ILDR1: variants seen among roughly 807,000 people sequenced by gnomAD.
The protein encoded by ILDR1 is immunoglobulin like domain containing receptor 1, also known as immunoglobulin-like domain-containing receptor 1.
In ILDR1, 56 loss-of-function variants were observed where a neutral mutation model predicts 62.4. The observed-to-expected ratio is 0.90, with a 90% CI of 0.72 to 1.12. The LOEUF is 1.12. Ranked by LOEUF, ILDR1 falls within the 50% of genes most tolerant of loss-of-function variation. ILDR1 has a pLI of 0.00. For missense variants in ILDR1, 736 were observed against 710.6 expected, an observed-to-expected ratio of 1.04 and a Z score of -0.41; for synonymous variants, 284 against 277.8, an observed-to-expected ratio of 1.02 and a Z score of -0.22.
intron 5 of ILDR1, among the ~76,000 whole-genome samples, chr3:121,998,103 T>G (rs1286305495): frequency 6.6e-6 from 1 of 152,182 alleles, no homozygotes; most frequent in Non-Finnish European, 1.5e-5. Context: ...CCTTACATCT[T>G]AATCATCCTC....
rs553059702 is a variant in ILDR1 at position 122,015,459 on chromosome 3, A to G, written c.58+6561T>C. Among the ~76,000 whole-genome samples, 3 of 152,208 alleles carry G rather than the reference A, an allele frequency of 2.0e-5. No individual in the cohort carries two copies. The East Asian group carries it at 5.8e-4, about 29-fold the overall frequency. ...TCTTGAATTGTAGTTCCCATAATCCATATGTGTTGTTGGAGGGACCAGGTG... is the reference window on the plus strand; with the variant it reads ...TCTTGAATTGTAGTTCCCATAATCCGTATGTGTTGTTGGAGGGACCAGGTG... On this transcript the variant is annotated intron_variant, in intron 1 of 7. Transcript: ENST00000344209.
intron 5 of ILDR1, among the ~76,000 whole-genome samples, chr3:121,995,291 G>A (rs1236332123): frequency 6.6e-6 from 1 of 152,198 alleles, no homozygotes; most frequent in Non-Finnish European, 1.5e-5. Context: ...CAGCCTCAGT[G>A]TGAACGAGGT....
the ILDR1 span, among the ~76,000 whole-genome samples, chr3:122,035,644 C>T: frequency 7.9e-5 from 12 of 152,238 alleles, no homozygotes; most frequent in Admixed American, 2.0e-4. Context: ...CTTTCCTGCT[C>T]CACTATGGTA....
the ILDR1 span, among the ~76,000 whole-genome samples, chr3:122,046,218 C>A: frequency 1.3e-5 from 2 of 149,614 alleles, no homozygotes; most frequent in Admixed American, 6.6e-5. Flanking sequence ...GTTGAAAATT[C>A]TTTTCTTTAA....
chr3:121,993,682 G>A lies in ILDR1; in HGVS notation c.1067C>T (p.Pro356Leu). ...SDSLHQQWLT[P>L]IPSRPWDLRE... ...CAGATCCCAGGGCCTGGAGGGAATT[G>A]GGGTGAGCCACTGCTGGTGCAGGGA... The change falls in exon 7 of 8, where the codon CCA (proline) becomes CTA (leucine). Residue 356 changes from proline (P) to leucine (L), a missense_variant. By Grantham distance (98) the Pro-to-Leu change is moderately conservative. Coordinates refer to ENST00000344209, the MANE Select transcript of ILDR1 (RefSeq NM_001199799.2). 1 of 1,614,148 alleles carries A rather than the reference G, an allele frequency of 6.2e-7. No individual in the cohort carries two copies. The highest frequency in any genetic ancestry group is 8.5e-7 in the Non-Finnish European group (1 of 1,179,998).
the ILDR1 span, among the ~76,000 whole-genome samples, chr3:122,041,524 A>T: frequency 6.6e-6 from 1 of 152,210 alleles, no homozygotes; most frequent in African/African-American, 2.4e-5. Context: ...CTGTTATAGC[A>T]GCACAAAACA....
At chr3:122,057,180 A>G in the ILDR1 span, among the ~76,000 whole-genome samples, 3 of 152,338 alleles carry the variant, frequency 2.0e-5, no homozygotes, top group East Asian at 5.8e-4. Context: ...TTTCTGGACA[A>G]TAATCTAGTG....
chr3:122,001,897 C>A, intron 3 of ILDR1, 33 bp from the exon 4 acceptor site: 1 of 1,611,606 alleles, frequency 6.2e-7, no homozygotes, highest in South Asian at 1.1e-5. Flanking sequence ...GTGCCAGTGT[C>A]AGAGGAGAGA....
chr3:122,050,150 G>C, the ILDR1 span, among the ~76,000 whole-genome samples: 1 of 152,158 alleles, frequency 6.6e-6, no homozygotes, highest in Non-Finnish European at 1.5e-5. Context: ...GCCTATGTGT[G>C]TTCTTAAATC....
At chr3:122,048,838 G>C in the ILDR1 span, among the ~76,000 whole-genome samples, 2 of 151,574 alleles carry the variant, frequency 1.3e-5, no homozygotes, top group Non-Finnish European at 2.9e-5. Context: ...GTCTTGCTAC[G>C]TTGCCCAGGC....
rs572466985 is a variant in ILDR1 at position 122,014,934 on chromosome 3, T to C, written c.58+7086A>G. On this transcript the variant is annotated intron_variant, in intron 1 of 7. Transcript: ENST00000344209. The stretch of plus-strand genomic sequence containing the variant: ...AGTGACTCATGTCTCCACACACTAA[T>C]CTCAGAGCACATGCAAATTTAGGCA... 2.4e-4 allele frequency among the ~76,000 whole-genome samples: 37 copies of C among 152,306 alleles called. No homozygotes were observed. In the South Asian group the frequency reaches 7.3e-3, roughly 30 times the overall value.
At chr3:122,012,492 G>A (rs979384138) in intron 1 of ILDR1, among the ~76,000 whole-genome samples, 26 of 152,138 alleles carry the variant, frequency 1.7e-4, no homozygotes, top group Admixed American at 1.7e-3. Context: ...GAATGGTAAT[G>A]TAATATAAAC....
the ILDR1 span, among the ~76,000 whole-genome samples, chr3:122,034,974 G>A: frequency 7.2e-5 from 11 of 152,254 alleles, no homozygotes; most frequent in Admixed American, 7.2e-4. Flanking sequence ...CTCCCACAAC[G>A]TGTGGGAATT....
intron 5 of ILDR1, among the ~76,000 whole-genome samples, chr3:122,000,404 A>G (rs2071503540): frequency 6.6e-6 from 1 of 152,224 alleles, no homozygotes; most frequent in Non-Finnish European, 1.5e-5. Flanking sequence ...CAAAAGGACT[A>G]GGTTCAAGGA....
At chr3:122,045,311 A>G in the ILDR1 span, among the ~76,000 whole-genome samples, 3 of 149,020 alleles carry the variant, frequency 2.0e-5, no homozygotes, top group African/African-American at 7.4e-5. Context: ...GTTCTTTTAC[A>G]TTTGCTGAGG....
rs763615019 is a variant in ILDR1 at position 121,993,918 on chromosome 3, A to AT, written c.830dup (p.Asn277LysfsTer29). On this transcript the variant is annotated frameshift_variant, in exon 7 of 8. Transcript: ENST00000344209. LOFTEE classifies it high-confidence loss of function. ...GGACACCATTGGCGATGGGAGGCTG[A>AT]TTGGTGGTCTGGGTCATTGGCATCT... 1 of 1,613,602 alleles carries AT rather than the reference A, an allele frequency of 6.2e-7. No individual in the cohort carries two copies. The highest frequency in any genetic ancestry group is 8.5e-7 in the Non-Finnish European group (1 of 1,180,022).
chr3:122,030,532 C>T, the ILDR1 span, among the ~76,000 whole-genome samples: 2 of 151,872 alleles, frequency 1.3e-5, no homozygotes, highest in East Asian at 1.9e-4. Context: ...CTGAATCATG[C>T]CACCACTCTG....
chr3:122,009,697 C>A (rs1234736837), intron 1 of ILDR1, among the ~76,000 whole-genome samples: 2 of 152,202 alleles, frequency 1.3e-5, no homozygotes, highest in African/African-American at 4.8e-5. Context: ...CCAAGGTACT[C>A]CCACAAACAA....
intron 7 of ILDR1, among the ~76,000 whole-genome samples, chr3:121,991,378 C>T (rs903271151): frequency 3.9e-5 from 6 of 152,162 alleles, no homozygotes; most frequent in Admixed American, 2.0e-4. Flanking sequence ...GGGCCCAAAA[C>T]TGGATCTTAA....
Sources: allele counts gnomAD v4.1 joint callset (sites outside exome capture counted in the v4.1 genomes callset), GRCh38; gene constraint gnomAD v4.1.1; transcripts MANE v1.5; gene names NCBI Gene and HGNC (gene_info 2026-07-23, HGNC 2026-07-21).